Variants in ATE1 observed in about 807,000 individuals in gnomAD.
ATE1 encodes arginyl-tRNA--protein transferase 1.
A neutral mutation model predicts 70.5 loss-of-function variants in ATE1; 36 were observed. That is an observed-to-expected ratio of 0.51 (90% CI 0.39 to 0.67). The LOEUF (loss-of-function observed/expected upper bound fraction) is 0.67. Ranked by LOEUF, ATE1 falls within the 30% of genes least tolerant of loss-of-function variation. ATE1 has a pLI of 0.00. For synonymous variants in ATE1, 232 were observed against 219.3 expected, an observed-to-expected ratio of 1.06 and a Z score of -0.51; for missense variants, 593 against 629.5, an observed-to-expected ratio of 0.94 and a Z score of 0.62.
intron 11 of ATE1, among the ~76,000 whole-genome samples, chr10:121,786,106 G>A (rs772925612): frequency 6.6e-5 from 10 of 151,424 alleles, no homozygotes; most frequent in Non-Finnish European, 1.5e-4. Flanking sequence ...AATATTTGAG[G>A]GGTCAATATG....
rs376458398 is a variant in ATE1 at position 121,853,107 on chromosome 10, G to A, written c.976-11844C>T. ...AAACTAAATTGAAGAGGCTGGGTGC[G>A]GTGGCCCAGCACTTTGGGAGGCCGA... On this transcript the variant is annotated intron_variant, in intron 8 of 11. Coordinates refer to ENST00000224652, the MANE Select transcript of ATE1 (RefSeq NM_001001976.3). Among the ~76,000 whole-genome samples, 116 of 152,150 alleles carry A rather than the reference G, an allele frequency of 7.6e-4. 4 individuals carry two copies. In the South Asian group the frequency reaches 0.023, roughly 30 times the overall value.
At chr10:121,867,173 T>G (rs1031883544) in intron 8 of ATE1, among the ~76,000 whole-genome samples, 1 of 152,206 alleles carries the variant, frequency 6.6e-6, no homozygotes, top group Non-Finnish European at 1.5e-5. Flanking sequence ...GTGCCTACTA[T>G]ATTCTACCTA....
intron 5 of ATE1, 29 bp downstream of exon 5, chr10:121,910,877 T>C (rs746352596): frequency 1.9e-6 from 3 of 1,612,588 alleles, no homozygotes; most frequent in East Asian, 2.2e-5. Context: ...AAGCCGTGAA[T>C]ATGACTTGGT....
chr10:121,785,725 G>C (rs1946178256), intron 11 of ATE1, among the ~76,000 whole-genome samples: 1 of 152,156 alleles, frequency 6.6e-6, no homozygotes, highest in South Asian at 2.1e-4. Context: ...CTGCTGGGAA[G>C]AATTAAGGTG....
intron 11 of ATE1, among the ~76,000 whole-genome samples, chr10:121,748,931 G>A (rs1361768554): frequency 6.6e-6 from 1 of 152,108 alleles, no homozygotes; most frequent in African/African-American, 2.4e-5. Context: ...GTTTAATACT[G>A]CAAGTAATGT....
chr10:121,890,588 A>C (rs1177289981), intron 7 of ATE1, among the ~76,000 whole-genome samples: 1 of 152,234 alleles, frequency 6.6e-6, no homozygotes. Flanking sequence ...CAGTGAATGC[A>C]GAAGTATGAT....
chr10:121,922,478 C>G (rs1951920681), intron 2 of ATE1, 67 bp from the exon 3 acceptor site: 4 of 926,938 alleles, frequency 4.3e-6, no homozygotes. Flanking sequence ...CAGCCTAGCA[C>G]AGGAGCATTA....
At chr10:121,917,135 C>T (rs1951692676) in intron 3 of ATE1, among the ~76,000 whole-genome samples, 1 of 151,920 alleles carries the variant, frequency 6.6e-6, no homozygotes, top group Non-Finnish European at 1.5e-5. Context: ...TACACTCCAG[C>T]CTGGGCAACA....
intron 11 of ATE1, among the ~76,000 whole-genome samples, chr10:121,744,174 A>T (rs926931219): frequency 4.6e-5 from 7 of 152,034 alleles, no homozygotes; most frequent in Non-Finnish European, 7.4e-5. Flanking sequence ...CTCCCGCCTC[A>T]GCCTCCCAAA....
intron 10 of ATE1, among the ~76,000 whole-genome samples, chr10:121,807,409 A>G (rs892522455): frequency 5.9e-5 from 9 of 151,972 alleles, no homozygotes; most frequent in African/African-American, 1.5e-4. Flanking sequence ...TTCATAGAGT[A>G]TAAGTTTCAT....
At chr10:121,783,595 A>G (rs954939502) in intron 11 of ATE1, among the ~76,000 whole-genome samples, 3 of 152,168 alleles carry the variant, frequency 2.0e-5, no homozygotes, top group African/African-American at 7.2e-5. Context: ...TATTTTCAAT[A>G]AAACTCTGTA....
rs544010522 is a variant in ATE1 at position 121,760,603 on chromosome 10, T to G, written c.1379-16745A>C. On this transcript the variant is annotated intron_variant, in intron 11 of 11. Transcript: ENST00000224652. ...CTTGCATGGAGGAGGAGTTGTTTCTTATGGAAGAGCAAAGAAAGTGATTGC... is the reference window on the plus strand; with the variant it reads ...CTTGCATGGAGGAGGAGTTGTTTCTGATGGAAGAGCAAAGAAAGTGATTGC... Among the ~76,000 whole-genome samples, 13 of 152,326 alleles carry G rather than the reference T, an allele frequency of 8.5e-5. 2 individuals are homozygous for G. In the South Asian group the frequency reaches 2.5e-3, roughly 29 times the overall value.
At chr10:121,852,817 A>G (rs936161275) in intron 8 of ATE1, among the ~76,000 whole-genome samples, 1 of 152,236 alleles carries the variant, frequency 6.6e-6, no homozygotes, top group Non-Finnish European at 1.5e-5. Context: ...AATAGTCTAC[A>G]GTTAAGAAAT....
intron 3 of ATE1, among the ~76,000 whole-genome samples, chr10:121,920,729 T>TCA (rs1951847454): frequency 6.6e-6 from 1 of 152,146 alleles, no homozygotes; most frequent in South Asian, 2.1e-4. Flanking sequence ...GTGCAGTGGC[T>TCA]CACGCCTGTA....
intron 1 of ATE1, among the ~76,000 whole-genome samples, 191 bp from the exon 2 acceptor site, chr10:121,924,520 GA>G (rs924227291): frequency 2.6e-5 from 4 of 152,012 alleles, no homozygotes; most frequent in African/African-American, 9.7e-5. Context: ...CCAACATGGT[GA>G]AACCCCATCT....
intron 11 of ATE1, among the ~76,000 whole-genome samples, chr10:121,760,294 A>G (rs574336452): frequency 1.1e-4 from 17 of 152,374 alleles, no homozygotes; most frequent in African/African-American, 3.4e-4. Context: ...TATAGCTACC[A>G]TAAAAGTGAT....
intron 11 of ATE1, among the ~76,000 whole-genome samples, chr10:121,764,158 G>C (rs986452797): frequency 6.6e-6 from 1 of 151,770 alleles, no homozygotes; most frequent in African/African-American, 2.4e-5. Context: ...GGCGACGGAG[G>C]GCAATTGAGC....
chr10:121,839,808 A>G (rs2133777367), intron 9 of ATE1, among the ~76,000 whole-genome samples: 1 of 152,334 alleles, frequency 6.6e-6, no homozygotes, highest in Middle Eastern at 3.4e-3. Flanking sequence ...ACACAAAAAA[A>G]TCACTTATGG....
intron 11 of ATE1, among the ~76,000 whole-genome samples, chr10:121,759,014 C>T (rs974157221): frequency 6.6e-6 from 1 of 152,042 alleles, no homozygotes; most frequent in African/African-American, 2.4e-5. Flanking sequence ...AATTAAAAAC[C>T]CTAAAAGGCC....
Sources: gnomAD v4.1 joint callset for allele counts (sites outside exome capture counted in the v4.1 genomes callset) on GRCh38, gnomAD v4.1.1 for gene constraint, MANE v1.5 for transcripts, NCBI Gene and HGNC (gene_info 2026-07-23, HGNC 2026-07-21) for gene names.